CCDC102B: variants seen among roughly 807,000 people sequenced by gnomAD.
CCDC102B encodes coiled-coil domain containing 102B.
Under a neutral mutation model 57.4 loss-of-function variants are expected in CCDC102B, and 75 were observed. The observed-to-expected ratio is 1.31, with a 90% CI of 1.08 to 1.58. The LOEUF (loss-of-function observed/expected upper bound fraction) is 1.58. Among genes scored for constraint, CCDC102B ranks in the 40% most tolerant of loss-of-function variants. The pLI is 0.00. For synonymous variants in CCDC102B, 206 were observed against 201.9 expected (o/e 1.02, Z -0.17); for missense variants, 636 against 582.6 (o/e 1.09, Z -0.94).
At chr18:68,828,322 CAAAAAAAAA>C (rs58180806) in intron 1 of CCDC102B, among the ~76,000 whole-genome samples, 13 of 80,802 alleles carry the variant, frequency 1.6e-4, no homozygotes, top group African/African-American at 5.1e-4. Context: ...ACCCTATTTA[CAAAAAAAAA>C]AAAAAAAAAA....
chr18:68,744,656 A>G (rs2033540831), intron 2 of CCDC102B, among the ~76,000 whole-genome samples: 1 of 152,082 alleles, frequency 6.6e-6, no homozygotes, highest in African/African-American at 2.4e-5. Flanking sequence ...TGTAGGACCA[A>G]TCACCAGCCA....
chr18:68,737,847 A>G (rs1289638517), intron 2 of CCDC102B, among the ~76,000 whole-genome samples: 1 of 151,966 alleles, frequency 6.6e-6, no homozygotes, highest in Non-Finnish European at 1.5e-5. Flanking sequence ...TGCAATCCAC[A>G]TTGTTCCTCT....
rs915689485 is a variant in CCDC102B at position 69,026,867 on chromosome 18, C to T, written c.1434+15763C>T. Reference sequence around the variant, plus strand: ...ACCTATGTTCCTGGAAAGGAGAATACGTTTATAAAAATAATTAACACACAA... The same window carrying T: ...ACCTATGTTCCTGGAAAGGAGAATATGTTTATAAAAATAATTAACACACAA... On this transcript the variant is annotated intron_variant, in intron 7 of 7. Transcript: ENST00000360242. Among the ~76,000 whole-genome samples, 6 of 152,192 alleles carry T rather than the reference C, an allele frequency of 3.9e-5. No homozygotes were observed. The East Asian group carries it at 1.2e-3, about 29-fold the overall frequency.
At chr18:68,823,069 A>C (rs2036759306) in intron 1 of CCDC102B, among the ~76,000 whole-genome samples, 1 of 152,074 alleles carries the variant, frequency 6.6e-6, no homozygotes, top group South Asian at 2.1e-4. Flanking sequence ...GATTGGTTGC[A>C]GGACCAGGCT....
At chr18:68,872,320 G>A (rs555412217) in intron 4 of CCDC102B, among the ~76,000 whole-genome samples, 4 of 152,158 alleles carry the variant, frequency 2.6e-5, no homozygotes, top group East Asian at 1.9e-4. Flanking sequence ...GTAGGTGCAC[G>A]GGAACTGTCC....
intron 2 of CCDC102B, among the ~76,000 whole-genome samples, chr18:68,720,042 A>G (rs1262180944): frequency 6.6e-6 from 1 of 152,222 alleles, no homozygotes; most frequent in Non-Finnish European, 1.5e-5. Context: ...AAAAGTTTTA[A>G]TGAAATTTTC....
At chr18:69,056,639 A>G (rs116872551), downstream of CCDC102B, among the ~76,000 whole-genome samples, 2 of 129,944 alleles carry the variant, frequency 1.5e-5, 1 homozygote, top group Admixed American at 1.6e-4. Flanking sequence ...GATAGATAAT[A>G]GATAGATAGA....
chr18:68,944,065 T>C lies in CCDC102B; in HGVS notation c.1263+46637T>C, dbSNP rs921554933. Among the ~76,000 whole-genome samples the C allele has an allele frequency of 3.9e-4, 59 of 152,134 alleles. 1 individual carries two copies. The highest frequency in any genetic ancestry group is 2.4e-4 in the Non-Finnish European group (16 of 68,028). Reference sequence around the variant, plus strand: ...AAATCCTGGGAACTTCTTACATTGTTTTTTCCAGTATGTTATCAGTTAATT... The same window carrying C: ...AAATCCTGGGAACTTCTTACATTGTCTTTTCCAGTATGTTATCAGTTAATT... On this transcript the variant is annotated intron_variant, in intron 6 of 7. Coordinates refer to ENST00000360242, the MANE Select transcript of CCDC102B (RefSeq NM_024781.3).
intron 1 of CCDC102B, among the ~76,000 whole-genome samples, chr18:68,804,648 T>C (rs1340299131): frequency 6.6e-6 from 1 of 152,120 alleles, no homozygotes; most frequent in Non-Finnish European, 1.5e-5. Context: ...CATACAGGGC[T>C]TCTGGTTGGC....
chr18:68,836,522 G>C (rs1353660508), intron 1 of CCDC102B, among the ~76,000 whole-genome samples: 1 of 151,476 alleles, frequency 6.6e-6, no homozygotes, highest in Non-Finnish European at 1.5e-5. Context: ...GAGCTACTCA[G>C]TAGACTGAGG....
chr18:68,865,271 G>C (rs941216066), intron 4 of CCDC102B, among the ~76,000 whole-genome samples: 1 of 151,920 alleles, frequency 6.6e-6, no homozygotes, highest in Non-Finnish European at 1.5e-5. Context: ...TTATATTTTC[G>C]CAAATAGATG....
At chr18:68,749,743 C>A (rs2033772298) in intron 2 of CCDC102B, among the ~76,000 whole-genome samples, 1 of 152,142 alleles carries the variant, frequency 6.6e-6, no homozygotes, top group Admixed American at 6.6e-5. Flanking sequence ...TTGACTTCCT[C>A]TTTTCCTAAT....
At chr18:69,039,469 T>G (rs979297416) in intron 7 of CCDC102B, among the ~76,000 whole-genome samples, 4 of 151,946 alleles carry the variant, frequency 2.6e-5, no homozygotes, top group Non-Finnish European at 5.9e-5. Flanking sequence ...TATTCTAAGT[T>G]TTCTGCATCT....
chr18:68,900,157 C>T (rs1200891614), intron 6 of CCDC102B: 3 of 152,188 alleles, frequency 2.0e-5, no homozygotes, highest in East Asian at 3.9e-4. Flanking sequence ...TCCATGGTCC[C>T]GTGGCATCAG....
chr18:69,043,468 T>C (rs2052483327), intron 7 of CCDC102B, among the ~76,000 whole-genome samples: 1 of 151,998 alleles, frequency 6.6e-6, no homozygotes, highest in Non-Finnish European at 1.5e-5. Flanking sequence ...GACTATCACA[T>C]GGGGAGAAAC....
chr18:68,957,752 A>G (rs1199452702), intron 6 of CCDC102B, among the ~76,000 whole-genome samples: 1 of 152,106 alleles, frequency 6.6e-6, no homozygotes, highest in Non-Finnish European at 1.5e-5. Context: ...CTTGAACATG[A>G]AATATCTTTC....
chr18:68,884,806 T>C (rs956971822), intron 5 of CCDC102B, among the ~76,000 whole-genome samples: 1 of 150,590 alleles, frequency 6.6e-6, no homozygotes, highest in Non-Finnish European at 1.5e-5. Context: ...AGATGAGAAA[T>C]ACATGGTAAC....
intron 4 of CCDC102B, among the ~76,000 whole-genome samples, chr18:68,874,102 C>T (rs1242838433): frequency 6.6e-6 from 1 of 151,082 alleles, no homozygotes; most frequent in Non-Finnish European, 1.5e-5. Flanking sequence ...GTCATTTTCT[C>T]TGGAAATTTA....
chr18:68,770,764 A>G (rs188986554), intron 2 of CCDC102B, among the ~76,000 whole-genome samples: 123 of 152,272 alleles, frequency 8.1e-4, no homozygotes, highest in African/African-American at 2.8e-3. Flanking sequence ...TAATTTTGTA[A>G]AGTTTTTCTT....
Sources: gnomAD v4.1 joint callset for allele counts (sites outside exome capture counted in the v4.1 genomes callset) on GRCh38, gnomAD v4.1.1 for gene constraint, MANE v1.5 for transcripts, NCBI Gene and HGNC (gene_info 2026-07-23, HGNC 2026-07-21) for gene names.